SENP6: variants seen among roughly 807,000 people sequenced by gnomAD.
The protein encoded by SENP6 is sentrin-specific protease 6.
In SENP6, 41 loss-of-function variants were observed where a neutral mutation model predicts 134.5. That is an observed-to-expected ratio of 0.30 (90% CI 0.24 to 0.40). The LOEUF (loss-of-function observed/expected upper bound fraction) is 0.40, where lower values mean the gene tolerates loss of function less well. SENP6 is among the 10% of genes least tolerant of loss of function. The pLI, the probability that SENP6 is intolerant of heterozygous loss-of-function variation, is 1.00. For missense variants in SENP6, 1,248 were observed against 1,312.5 expected (o/e 0.95, Z 0.76); for synonymous variants, 395 against 429.8 (o/e 0.92, Z 1.00).
In SENP6 at chr6:75,700,203, G is replaced by A. The variant is rs192776434; in HGVS notation, c.2289-2442G>A. Reference sequence around the variant, plus strand: ...CAGGATTACAGGCATGAGCCACTGCGCCTGGCCAAAAGTCTGTGTAACCCT... The same window carrying A: ...CAGGATTACAGGCATGAGCCACTGCACCTGGCCAAAAGTCTGTGTAACCCT... On this transcript the variant is annotated intron_variant, in intron 18 of 23. Transcript: ENST00000447266. Among the ~76,000 whole-genome samples, 16 of 152,130 alleles carry A rather than the reference G, an allele frequency of 1.1e-4. No homozygotes were observed. The South Asian group carries it at 2.5e-3, about 24-fold the overall frequency.
intron 19 of SENP6, 73 bp downstream of exon 19, chr6:75,703,145 A>G: frequency 2.4e-6 from 3 of 1,256,852 alleles, no homozygotes; most frequent in Non-Finnish European, 3.3e-6. Flanking sequence ...CAGGATTAAG[A>G]TCCTGTTTTA....
At position 75,702,828 on chromosome 6, in the gene SENP6, TAAG is replaced by T; in HGVS notation, c.2477_2479del (p.Lys826del). 2 of 1,614,082 alleles carry T rather than the reference TAAG, an allele frequency of 1.2e-6. No homozygotes were observed. Among genetic ancestry groups the T allele is most frequent in the Non-Finnish European group, 1.7e-6 (2 of 1,180,002 alleles). On this transcript the variant is annotated inframe_deletion, in exon 19 of 24. Coordinates refer to ENST00000447266, the MANE Select transcript of SENP6 (RefSeq NM_015571.4). ...AAAACTCTTCTGCCAAGCCTGTAAT[TAAG>T]AAGATGCTAAACAAAAAACATTGCA...
chr6:75,652,426 C>T (rs536202253), intron 7 of SENP6, among the ~76,000 whole-genome samples: 48 of 152,072 alleles, frequency 3.2e-4, no homozygotes, highest in African/African-American at 1.2e-3. Context: ...AATATTATTA[C>T]TGTACTGGTA....
At chr6:75,648,338 A>G (rs1770611741) in intron 7 of SENP6, among the ~76,000 whole-genome samples, 1 of 152,186 alleles carries the variant, frequency 6.6e-6, no homozygotes, top group Admixed American at 6.5e-5. Context: ...TAAAAAATAT[A>G]TCATCATAAA....
chr6:75,666,183 G>GAT (rs200669353), intron 9 of SENP6, among the ~76,000 whole-genome samples: 2 of 83,654 alleles, frequency 2.4e-5, no homozygotes, highest in South Asian at 3.9e-4. Context: ...ACGTATATAT[G>GAT]ATATATATAA....
chr6:75,690,169 C>A (rs1425687429), intron 16 of SENP6, among the ~76,000 whole-genome samples: 2 of 152,128 alleles, frequency 1.3e-5, no homozygotes, highest in Non-Finnish European at 2.9e-5. Flanking sequence ...CCTTGGCTTC[C>A]CAAAGTTCTG....
At chr6:75,638,618 A>AT (rs1769769712) in intron 5 of SENP6, among the ~76,000 whole-genome samples, 3 of 34,514 alleles carry the variant, frequency 8.7e-5, no homozygotes, top group African/African-American at 3.9e-4. Context: ...ATATATATAT[A>AT]TATATTTTTT....
At chr6:75,649,501 G>A (rs899334425) in intron 7 of SENP6, among the ~76,000 whole-genome samples, 3 of 152,076 alleles carry the variant, frequency 2.0e-5, no homozygotes, top group African/African-American at 7.2e-5. Flanking sequence ...CTTTTAACTT[G>A]GGTTTTGTTT....
rs112229099 is a variant in SENP6 at position 75,692,723 on chromosome 6, C to T, written c.2076-3081C>T. ...CCTGAGCCCCACATCCCTCGCCCCC[C>T]ATCCTCCCCGCATCCCACTCCTCCC... On this transcript the variant is annotated intron_variant, in intron 16 of 23. Transcript: ENST00000447266. Among the ~76,000 whole-genome samples the T allele has an allele frequency of 9.4e-3, 1,428 of 152,006 alleles. 23 individuals are homozygous for T. The highest frequency in any genetic ancestry group is 0.033 in the African/African-American group (1,368 of 41,420).
At position 75,602,472 on chromosome 6, in the gene SENP6, A is replaced by G; in HGVS notation, c.-53A>G. ...GGCGCGGCCCCTCATCCCGGCGAGC[A>G]CGGCGGCGGTGTGGGCCATGGATTA... On this transcript the variant is annotated 5_prime_UTR_variant, in exon 1 of 24. Coordinates refer to ENST00000447266, the MANE Select transcript of SENP6 (RefSeq NM_015571.4). The G allele has an allele frequency of 1.3e-6, 2 of 1,546,644 alleles. No individual in the cohort carries two copies. The highest frequency in any genetic ancestry group is 1.7e-6 in the Non-Finnish European group (2 of 1,144,482).
intron 2 of SENP6, chr6:75,622,624 C>T (rs1230052965): frequency 1.3e-5 from 5 of 373,690 alleles, no homozygotes; most frequent in Non-Finnish European, 2.5e-5. Context: ...TGGTTTTCTG[C>T]TGGCCAAAAT....
chr6:75,617,177 C>A (rs1005153745), intron 1 of SENP6, among the ~76,000 whole-genome samples: 5 of 151,542 alleles, frequency 3.3e-5, no homozygotes, highest in Non-Finnish European at 7.4e-5. Flanking sequence ...CTGCACCCAG[C>A]CTTTGGTGTT....
intron 18 of SENP6, among the ~76,000 whole-genome samples, chr6:75,701,939 C>T (rs1294517170): frequency 2.0e-5 from 3 of 151,896 alleles, no homozygotes; most frequent in South Asian, 2.1e-4. Context: ...CGCACCTGGC[C>T]GACAGTTTAA....
At chr6:75,705,350 G>A (rs1249963676) in intron 19 of SENP6, among the ~76,000 whole-genome samples, 1 of 152,058 alleles carries the variant, frequency 6.6e-6, no homozygotes, top group East Asian at 1.9e-4. Flanking sequence ...TTTGAGACCA[G>A]CCTGACCAAC....
intron 1 of SENP6, among the ~76,000 whole-genome samples, chr6:75,616,135 T>G (rs561750685): frequency 2.0e-4 from 30 of 152,162 alleles, no homozygotes; most frequent in Admixed American, 8.5e-4. Context: ...GAGAAAACTT[T>G]AGGTGTTTAA....
At chr6:75,644,482 T>TG (rs1226032454) in intron 6 of SENP6, among the ~76,000 whole-genome samples, 1 of 151,434 alleles carries the variant, frequency 6.6e-6, no homozygotes, top group African/African-American at 2.4e-5. Context: ...TTTCTTTTTT[T>TG]TTTTTTTGTT....
chr6:75,608,854 CAGAT>C (rs1312518007), intron 1 of SENP6, among the ~76,000 whole-genome samples: 2 of 152,154 alleles, frequency 1.3e-5, no homozygotes, highest in Non-Finnish European at 2.9e-5. Context: ...ATTTTATTAG[CAGAT>C]AGAGAAAAGA....
intron 10 of SENP6, among the ~76,000 whole-genome samples, chr6:75,667,306 A>C (rs1218603670): frequency 6.6e-6 from 1 of 152,204 alleles, no homozygotes; most frequent in Non-Finnish European, 1.5e-5. Context: ...TAAAAATTTC[A>C]AAAAGTTCAC....
Position 75,634,742 on chromosome 6 carries a change from C to G in SENP6, c.389C>G (p.Thr130Ser). 1 of 1,592,016 alleles carries G rather than the reference C, an allele frequency of 6.3e-7. No homozygotes were observed. Among genetic ancestry groups the G allele is most frequent in the Non-Finnish European group, 8.5e-7 (1 of 1,174,866 alleles). ...CAAAATACGTCATTATGTTCTGGAA[C>G]TGTAGTTCATGGTAGACGTTTTCAT... Reference protein sequence around the residue: ...NTQNTSLCSGTVVHGRRFHHA... With the variant: ...NTQNTSLCSGSVVHGRRFHHA... Residue 130 changes from threonine (T) to serine (S), a missense_variant, in exon 5 of 24, where the codon ACT (threonine) becomes AGT (serine). Physicochemically the swap from Thr to Ser is moderately conservative, Grantham distance 58. Transcript: ENST00000447266.
Sources: gnomAD v4.1 joint callset for allele counts (sites outside exome capture counted in the v4.1 genomes callset) on GRCh38, gnomAD v4.1.1 for gene constraint, MANE v1.5 for transcripts, NCBI Gene and HGNC (gene_info 2026-07-23, HGNC 2026-07-21) for gene names.